FGD1: variants seen among roughly 807,000 people sequenced by gnomAD.
FGD1 encodes the protein FYVE, RhoGEF and PH domain-containing protein 1.
FGD1 carries 12 observed loss-of-function variants against 65.0 expected under a neutral mutation model. The ratio of observed to expected loss-of-function variants is 0.18; its 90% CI spans 0.12 to 0.30. The LOEUF (loss-of-function observed/expected upper bound fraction) is 0.30. Among genes scored for constraint, FGD1 ranks in the 10% least tolerant of loss-of-function variants. The pLI is 1.00. For synonymous variants in FGD1, 333 were observed against 343.9 expected (o/e 0.97, Z 0.35); for missense variants, 542 against 837.6 (o/e 0.65, Z 4.36).
chrX:54,448,109 G>C (rs1269012812), intron 16 of FGD1, among the ~76,000 whole-genome samples: 1 of 111,747 alleles, frequency 8.9e-6, no homozygotes, highest in African/African-American at 3.3e-5. Flanking sequence ...TTGGGTAGAA[G>C]GGATACGGTA....
At chrX:54,487,941 C>T (rs1213821563) in intron 1 of FGD1, among the ~76,000 whole-genome samples, 1 of 106,879 alleles carries the variant, frequency 9.4e-6, no homozygotes, top group Non-Finnish European at 1.9e-5. Flanking sequence ...CAGAGTGACA[C>T]GCCGTCTGAA....
At chrX:54,455,834 G>T (rs1922489515) in intron 10 of FGD1, 50 bp from the exon 11 acceptor site, 2 of 992,282 alleles carry the variant, frequency 2.0e-6, no homozygotes, top group Non-Finnish European at 2.8e-6. Context: ...TAGTGGGGAT[G>T]TGGCCCAGCT....
At chrX:54,450,401 G>T in intron 12 of FGD1, 100 bp from the exon 13 acceptor site, 1 of 791,929 alleles carries the variant, frequency 1.3e-6, no homozygotes, top group Non-Finnish European at 1.9e-6. Flanking sequence ...AAAGACCTGG[G>T]CTTGACCCTC....
intron 1 of FGD1, among the ~76,000 whole-genome samples, chrX:54,480,245 A>G (rs1326795721): frequency 8.9e-6 from 1 of 112,562 alleles, no homozygotes; most frequent in Non-Finnish European, 1.9e-5. Flanking sequence ...TTCCAAAAAG[A>G]GGAGCCTTCT....
intron 8 of FGD1, among the ~76,000 whole-genome samples, chrX:54,460,032 C>T (rs1339384047): frequency 1.9e-5 from 2 of 107,813 alleles, no homozygotes; most frequent in Admixed American, 1.0e-4. Context: ...TTTGGGAGGC[C>T]GAGGCGGGTG....
At chrX:54,494,862 C>T (rs1260254635) in intron 1 of FGD1, among the ~76,000 whole-genome samples, 1 of 111,232 alleles carries the variant, frequency 9.0e-6, no homozygotes, top group African/African-American at 3.3e-5. Flanking sequence ...TGCTCCCTCT[C>T]CCATTAGCCT....
chrX:54,462,540 G>A (rs1194620484), intron 8 of FGD1, among the ~76,000 whole-genome samples: 1 of 107,216 alleles, frequency 9.3e-6, no homozygotes, highest in Non-Finnish European at 1.9e-5. Context: ...TTACAGGCAC[G>A]GCCACCACGC....
In FGD1 at chrX:54,449,656, T is replaced by C. The variant is rs1417035906; in HGVS notation, c.2148+3A>G. On this transcript the variant is annotated splice_donor_region_variant and intron_variant, in intron 14 of 17. Transcript: ENST00000375135. ...GCAGGGGAAAGAGGGCGGGGACTCT[T>C]ACTGGAGAGTTGGGTGGGGTGTCTT... 2 of 1,168,796 alleles carry C rather than the reference T, an allele frequency of 1.7e-6. No homozygotes were observed. Among genetic ancestry groups the C allele is most frequent in the Non-Finnish European group, 2.3e-6 (2 of 859,360 alleles).
chrX:54,472,051 G>T (rs1282636266), intron 1 of FGD1, among the ~76,000 whole-genome samples: 3 of 111,443 alleles, frequency 2.7e-5, no homozygotes, highest in Non-Finnish European at 5.6e-5. Flanking sequence ...GCTGAGAAGG[G>T]AGGATTGCTT....
chrX:54,483,576 A>G (rs1395262337), intron 1 of FGD1, among the ~76,000 whole-genome samples: 1 of 112,117 alleles, frequency 8.9e-6, no homozygotes, highest in East Asian at 2.8e-4. Context: ...CTTCCCTCTT[A>G]GTCTCAGCTA....
chrX:54,449,625 C>T, intron 14 of FGD1, 34 bp downstream of exon 14: 1 of 974,905 alleles, frequency 1.0e-6, no homozygotes, highest in Non-Finnish European at 1.5e-6. Flanking sequence ...TGGAAGGGGT[C>T]CCAGTGCAGG....
rs1408827800 is a variant in FGD1 at position 54,445,692 on chromosome X, C to CT, written c.*416dup. 7.2e-6 allele frequency: 1 copy of CT among 139,656 alleles called. No homozygotes were observed. Among genetic ancestry groups the CT allele is most frequent in the Non-Finnish European group, 1.4e-5 (1 of 73,776 alleles). 11.5% of individuals were successfully genotyped at this position (139,656 alleles called of 1,213,427 possible). ...ACGTGGAGTTGTACGTGTGAAGACA[C>CT]TGGCTGAGGAGGCAGGGCTGGGTCG... On this transcript the variant is annotated 3_prime_UTR_variant, in exon 18 of 18. Coordinates refer to ENST00000375135, the MANE Select transcript of FGD1 (RefSeq NM_004463.3).
At chrX:54,467,634 G>T in intron 6 of FGD1, 150 bp downstream of exon 6, 1 of 602,712 alleles carries the variant, frequency 1.7e-6, no homozygotes, top group Non-Finnish European at 2.7e-6. Context: ...GGGATTACAG[G>T]TGTGAGCCAC....
chrX:54,446,535 A>T, intron 17 of FGD1, 121 bp from the exon 18 acceptor site: 1 of 637,432 alleles, frequency 1.6e-6, no homozygotes, highest in Non-Finnish European at 2.4e-6. Context: ...TCCCCTACTC[A>T]GGAACCTTCC....
In FGD1 at chrX:54,496,181, G is replaced by T. The variant is rs1013468207; in HGVS notation, c.-749C>A. ...AAGGAGCCCTGGGAAGGGGGGTGGG[G>T]AGGCGGGAGCCTCGCAGAGGCAGCC... On this transcript the variant is annotated 5_prime_UTR_variant, in exon 1 of 18. Transcript: ENST00000375135. 1 of 109,962 alleles carries T rather than the reference G, an allele frequency of 9.1e-6. No individual in the cohort carries two copies. The highest frequency in any genetic ancestry group is 3.3e-5 in the African/African-American group (1 of 30,388). 9.1% of individuals were successfully genotyped at this position (109,962 alleles called of 1,213,427 possible). A position where few individuals can be genotyped will look rare whatever the true frequency, so the allele number is the denominator to read the frequency against.
At chrX:54,459,295 G>T (rs1922576509) in intron 8 of FGD1, among the ~76,000 whole-genome samples, 1 of 111,678 alleles carries the variant, frequency 9.0e-6, no homozygotes. Flanking sequence ...CCCTACCTGG[G>T]GGCTCAGTGT....
intron 12 of FGD1, among the ~76,000 whole-genome samples, chrX:54,453,541 G>A (rs1360698981): frequency 9.0e-6 from 1 of 111,477 alleles, no homozygotes; most frequent in Non-Finnish European, 1.9e-5. Flanking sequence ...TGGGATCTTG[G>A]GCAAGTACAT....
chrX:54,450,760 T>C (rs1254377063), intron 12 of FGD1, among the ~76,000 whole-genome samples: 1 of 111,503 alleles, frequency 9.0e-6, no homozygotes, highest in Admixed American at 9.6e-5. Flanking sequence ...TCAATAATTA[T>C]CAGTTGGCCG....
At position 54,465,705 on chromosome X, in the gene FGD1, A is replaced by T; in HGVS notation, c.1488T>A (p.His496Gln). ...CAGCTTGACCACTTACCTGCACCTC[A>T]TGGATGATGACTTTAAACTGGGTGG... ...ERSTQFKVIIHEVQKEEACGN... is the reference protein window; with the variant it reads ...ERSTQFKVIIQEVQKEEACGN... Residue 496 changes from histidine to glutamine, a missense_variant, in exon 7 of 18, where the codon CAT (histidine) becomes CAA (glutamine). This residue lies in a region of FGD1 where 41 missense variants were observed against 109.5 expected (regional missense o/e 0.37). Transcript: ENST00000375135. 8.3e-7 allele frequency: 1 copy of T among 1,211,169 alleles called. No individual in the cohort carries two copies. The highest frequency in any genetic ancestry group is 1.1e-6 in the Non-Finnish European group (1 of 895,298).
Sources: allele counts gnomAD v4.1 joint callset (sites outside exome capture counted in the v4.1 genomes callset), GRCh38; gene constraint gnomAD v4.1.1; regional missense constraint gnomAD v4.1.1; transcripts MANE v1.5; gene names NCBI Gene and HGNC (gene_info 2026-07-23, HGNC 2026-07-21).